The following DRC8 variants were observed in gnomAD, a reference collection of about 807,000 sequenced individuals.
DRC8 encodes dynein regulatory complex subunit 8.
At chr1:245,030,048 C>T in the DRC8 span, among the ~76,000 whole-genome samples, 1 of 152,192 alleles carries the variant, frequency 6.6e-6, no homozygotes, top group Non-Finnish European at 1.5e-5. Context: ...CAGATTCATT[C>T]GTCCTGCAGC....
At chr1:245,020,960 C>T in the DRC8 span, among the ~76,000 whole-genome samples, 79 of 152,080 alleles carry the variant, frequency 5.2e-4, 1 homozygote, top group Non-Finnish European at 6.8e-4. Context: ...GGCTACATGA[C>T]GTGCAGTTTT....
At chr1:245,070,869 G>A in the DRC8 span, among the ~76,000 whole-genome samples, 1 of 152,164 alleles carries the variant, frequency 6.6e-6, no homozygotes, top group Non-Finnish European at 1.5e-5. Flanking sequence ...CCTCACGAAC[G>A]GGATTAGCAA....
chr1:244,978,195 T>A, the DRC8 span, among the ~76,000 whole-genome samples: 1 of 152,182 alleles, frequency 6.6e-6, no homozygotes, highest in African/African-American at 2.4e-5. Context: ...TTTTTATTTT[T>A]TAAGAGATGA....
the DRC8 span, among the ~76,000 whole-genome samples, chr1:244,973,475 C>G: frequency 6.6e-6 from 1 of 152,150 alleles, no homozygotes; most frequent in African/African-American, 2.4e-5. Flanking sequence ...TTGAATTAAT[C>G]AAAGACAGCT....
At chr1:245,013,892 G>A in the DRC8 span, among the ~76,000 whole-genome samples, 2 of 151,696 alleles carry the variant, frequency 1.3e-5, no homozygotes, top group East Asian at 1.9e-4. Flanking sequence ...TGAGCTTGGC[G>A]GTAGTGGTGC....
chr1:245,103,914 A>C, the DRC8 span, among the ~76,000 whole-genome samples: 1 of 152,218 alleles, frequency 6.6e-6, no homozygotes, highest in Non-Finnish European at 1.5e-5. Context: ...TGTAAACAAG[A>C]TCCTAAGAAG....
the DRC8 span, among the ~76,000 whole-genome samples, chr1:245,121,759 C>G: frequency 6.6e-6 from 1 of 152,172 alleles, no homozygotes; most frequent in African/African-American, 2.4e-5. Flanking sequence ...GTGCCTCCAG[C>G]AGGAGGCAAA....
At chr1:245,066,823 C>T in the DRC8 span, among the ~76,000 whole-genome samples, 130 of 152,084 alleles carry the variant, frequency 8.5e-4, no homozygotes, top group African/African-American at 2.6e-3. Context: ...AGGAGAATGG[C>T]GTGAACCCGG....
chr1:245,042,556 T>C, the DRC8 span, among the ~76,000 whole-genome samples: 1 of 152,254 alleles, frequency 6.6e-6, no homozygotes, highest in South Asian at 2.1e-4. Context: ...TTTATTTTGT[T>C]CTCTGCTGTT....
chr1:245,114,488 C>T, the DRC8 span, among the ~76,000 whole-genome samples: 1 of 151,576 alleles, frequency 6.6e-6, no homozygotes, highest in Non-Finnish European at 1.5e-5. Flanking sequence ...AATTGTCTTC[C>T]TAAGATGTCC....
At chr1:245,076,678 C>A in the DRC8 span, among the ~76,000 whole-genome samples, 1 of 152,030 alleles carries the variant, frequency 6.6e-6, no homozygotes, top group East Asian at 1.9e-4. Flanking sequence ...AAATAGGTCC[C>A]AATTGCACCA....
chr1:245,043,316 C>G, the DRC8 span, among the ~76,000 whole-genome samples: 1 of 151,948 alleles, frequency 6.6e-6, no homozygotes, highest in Non-Finnish European at 1.5e-5. Context: ...ACCTGTAATC[C>G]CAGCTACTTG....
chr1:245,116,924 T>C, the DRC8 span, among the ~76,000 whole-genome samples: 1 of 152,234 alleles, frequency 6.6e-6, no homozygotes, highest in East Asian at 1.9e-4. Context: ...CATTCAGAAA[T>C]ATCAATGTAA....
chr1:245,106,941 G>C, the DRC8 span, among the ~76,000 whole-genome samples: 1 of 152,218 alleles, frequency 6.6e-6, no homozygotes, highest in Non-Finnish European at 1.5e-5. Flanking sequence ...CCACTCGGGA[G>C]GCTGAGGCAG....
At chr1:245,105,447 C>T in the DRC8 span, among the ~76,000 whole-genome samples, 1 of 151,554 alleles carries the variant, frequency 6.6e-6, no homozygotes. Context: ...GGAGAAAGCC[C>T]ATCTCTACTA....
the DRC8 span, among the ~76,000 whole-genome samples, chr1:244,992,871 C>T: frequency 1.3e-5 from 2 of 152,232 alleles, no homozygotes. Flanking sequence ...TATTATCTCT[C>T]ATAATTTCTG....
the DRC8 span, among the ~76,000 whole-genome samples, chr1:245,004,767 TATG>T: frequency 6.6e-6 from 1 of 152,238 alleles, no homozygotes; most frequent in Non-Finnish European, 1.5e-5. Context: ...ATTCATTAAG[TATG>T]ATGTTAGTTG....
chr1:245,006,957 A>G, the DRC8 span, among the ~76,000 whole-genome samples: 1 of 102,174 alleles, frequency 9.8e-6, no homozygotes, highest in African/African-American at 2.7e-5. Flanking sequence ...CAACAACAAC[A>G]ACAACAACAA....
At chr1:245,059,335 G>A in the DRC8 span, 2 of 1,338,228 alleles carry the variant, frequency 1.5e-6, no homozygotes, top group African/African-American at 2.9e-5. Flanking sequence ...GAGAAACCTG[G>A]CCTTTTCGGA....
Sources: allele counts gnomAD v4.1 joint callset (sites outside exome capture counted in the v4.1 genomes callset), GRCh38; gene constraint gnomAD v4.1.1; transcripts MANE v1.5; gene names NCBI Gene and HGNC (gene_info 2026-07-23, HGNC 2026-07-21).